MICU1: variants seen among roughly 807,000 people sequenced by gnomAD.
MICU1 encodes the protein mitochondrial calcium uptake 1.
Under a neutral mutation model 56.8 loss-of-function variants are expected in MICU1, and 45 were observed. The ratio of observed to expected loss-of-function variants is 0.79; its 90% confidence interval spans 0.62 to 1.02. The LOEUF is 1.02. Ranked by LOEUF, MICU1 falls within the 50% of genes least tolerant of loss-of-function variation. The pLI, the probability that MICU1 is intolerant of heterozygous loss-of-function variation, is 0.00. For synonymous variants in MICU1, 186 were observed against 195.1 expected, an observed-to-expected ratio of 0.95 and a Z score of 0.39; for missense variants, 504 against 587.1, an observed-to-expected ratio of 0.86 and a Z score of 1.46.
intron 9 of MICU1, among the ~76,000 whole-genome samples, chr10:72,418,348 C>A (rs1257868539): frequency 1.3e-5 from 2 of 152,170 alleles, no homozygotes; most frequent in African/African-American, 4.8e-5. Context: ...AGGGCCCAAA[C>A]AACCACATTC....
At chr10:72,579,327 C>A (rs1269723201) in intron 1 of MICU1, among the ~76,000 whole-genome samples, 2 of 152,106 alleles carry the variant, frequency 1.3e-5, no homozygotes, top group Non-Finnish European at 2.9e-5. Context: ...TCCGCATAGA[C>A]ACAGGCTTCT....
chr10:72,419,780 C>T (rs1399432108), intron 9 of MICU1, among the ~76,000 whole-genome samples: 2 of 152,120 alleles, frequency 1.3e-5, no homozygotes, highest in African/African-American at 4.8e-5. Flanking sequence ...CTATGGGAAC[C>T]TCTGAGGCAG....
intron 4 of MICU1, among the ~76,000 whole-genome samples, chr10:72,540,455 C>T (rs1269886146): frequency 6.6e-6 from 1 of 151,842 alleles, no homozygotes; most frequent in Non-Finnish European, 1.5e-5. Context: ...GGGAAGATCA[C>T]TTGAGGCCAA....
chr10:72,405,657 A>AAGCTAAT (rs1444540136), intron 10 of MICU1, among the ~76,000 whole-genome samples: 2 of 152,204 alleles, frequency 1.3e-5, no homozygotes, highest in Non-Finnish European at 2.9e-5. Flanking sequence ...TACATTAAAA[A>AAGCTAAT]AGCTAATACA....
rs114056960 is a variant in MICU1 at position 72,574,255 on chromosome 10, G to A, written c.-1-7461C>T. Among the ~76,000 whole-genome samples, 767 of 152,296 alleles carry A rather than the reference G, an allele frequency of 5.0e-3. 5 individuals are homozygous for A. Among genetic ancestry groups the A allele is most frequent in the African/African-American group, 0.017 (720 of 41,554 alleles). On this transcript the variant is annotated intron_variant, in intron 1 of 11. Coordinates refer to ENST00000361114, the MANE Select transcript of MICU1 (RefSeq NM_001195518.2). ...CAGTTAAATAAAATGTCAGCCGGGC[G>A]TGGTGGCTCACGCCTGTAATCTCAA...
chr10:72,507,380 A>G (rs1341047035), intron 6 of MICU1, among the ~76,000 whole-genome samples: 4 of 152,220 alleles, frequency 2.6e-5, no homozygotes, highest in Non-Finnish European at 4.4e-5. Flanking sequence ...AGTTTTAAAA[A>G]ATCAGAAACT....
chr10:72,449,479 C>T (rs1318898360), intron 8 of MICU1, among the ~76,000 whole-genome samples: 2 of 152,108 alleles, frequency 1.3e-5, no homozygotes, highest in East Asian at 3.9e-4. Context: ...CTGAAGCAAT[C>T]CTCCCACCTT....
intron 5 of MICU1, among the ~76,000 whole-genome samples, chr10:72,517,951 C>T (rs553203096): frequency 6.6e-6 from 1 of 152,026 alleles, no homozygotes; most frequent in South Asian, 2.1e-4. Context: ...ATAATCTTAT[C>T]AGACTGGTAG....
chr10:72,554,988 C>T (rs189664539), intron 3 of MICU1, among the ~76,000 whole-genome samples: 41 of 152,256 alleles, frequency 2.7e-4, no homozygotes, highest in African/African-American at 7.7e-4. Context: ...GCACTCCAGC[C>T]TGGGTGATAG....
At chr10:72,446,213 A>C (rs761546197) in intron 8 of MICU1, among the ~76,000 whole-genome samples, 6 of 152,242 alleles carry the variant, frequency 3.9e-5, no homozygotes, top group Non-Finnish European at 7.3e-5. Context: ...GTCAAAAAAA[A>C]TTCAGAAGAG....
chr10:72,482,385 T>C (rs1256047043), intron 6 of MICU1, among the ~76,000 whole-genome samples: 2 of 152,216 alleles, frequency 1.3e-5, no homozygotes, highest in Non-Finnish European at 2.9e-5. Context: ...CATTCCTGTT[T>C]TAGAATGCTA....
chr10:72,558,633 T>C (rs191082541), intron 3 of MICU1, among the ~76,000 whole-genome samples: 3 of 152,248 alleles, frequency 2.0e-5, no homozygotes, highest in Admixed American at 6.5e-5. Flanking sequence ...CAAACTGTTG[T>C]TGGGTTCAGT....
intron 10 of MICU1, among the ~76,000 whole-genome samples, chr10:72,376,887 T>C (rs901212598): frequency 1.3e-5 from 2 of 150,926 alleles, no homozygotes; most frequent in Admixed American, 6.6e-5. Context: ...TTTTTATATT[T>C]ATATATATAT....
intron 5 of MICU1, among the ~76,000 whole-genome samples, chr10:72,520,468 T>C (rs1867784578): frequency 6.6e-6 from 1 of 152,166 alleles, no homozygotes; most frequent in African/African-American, 2.4e-5. Flanking sequence ...GATTCCTCCT[T>C]CTGACTCAAA....
chr10:72,558,190 G>A (rs563446003), intron 3 of MICU1, among the ~76,000 whole-genome samples: 6 of 152,324 alleles, frequency 3.9e-5, no homozygotes, highest in Admixed American at 1.3e-4. Context: ...GTACAGAAAC[G>A]ACAGTGGGAT....
chr10:72,599,730 C>A (rs1841474666), intron 1 of MICU1, among the ~76,000 whole-genome samples: 1 of 152,120 alleles, frequency 6.6e-6, no homozygotes, highest in East Asian at 1.9e-4. Flanking sequence ...CTTCCTTCCT[C>A]TTTCTTACTT....
intron 1 of MICU1, among the ~76,000 whole-genome samples, chr10:72,575,091 G>T (rs1840707187): frequency 1.3e-5 from 2 of 152,128 alleles, no homozygotes; most frequent in South Asian, 4.1e-4. Context: ...CGGAGATGGG[G>T]TCTTGCTGTA....
chr10:72,423,527 A>G (rs1864247252), intron 8 of MICU1, among the ~76,000 whole-genome samples, 156 bp from the exon 9 acceptor site: 1 of 152,226 alleles, frequency 6.6e-6, no homozygotes, highest in South Asian at 2.1e-4. Context: ...AAAACTAAGA[A>G]ACAGAAGATA....
chr10:72,445,310 G>T (rs1865071760), intron 8 of MICU1, among the ~76,000 whole-genome samples: 1 of 152,108 alleles, frequency 6.6e-6, no homozygotes, highest in Non-Finnish European at 1.5e-5. Context: ...CCTTTCTTCT[G>T]TCACTTGATT....
Sources: allele counts gnomAD v4.1 joint callset (sites outside exome capture counted in the v4.1 genomes callset), GRCh38; gene constraint gnomAD v4.1.1; transcripts MANE v1.5; gene names NCBI Gene and HGNC (gene_info 2026-07-23, HGNC 2026-07-21).